Variants in ZNF607 observed in about 807,000 individuals in gnomAD.
The protein encoded by ZNF607 is zinc finger protein 607.
In ZNF607, 5 loss-of-function variants were observed where a neutral mutation model predicts 12.8. That is an observed-to-expected ratio of 0.39 (90% CI 0.20 to 0.82). The LOEUF (loss-of-function observed/expected upper bound fraction) is 0.82, where lower values mean the gene tolerates loss of function less well. ZNF607 is among the 40% of genes least tolerant of loss of function. ZNF607 has a pLI of 0.39. For missense variants in ZNF607, 851 were observed against 859.2 expected (o/e 0.99, Z 0.12); for synonymous variants, 287 against 276.2 (o/e 1.04, Z -0.39).
chr19:37,715,895 A>G (rs2045172651), intron 1 of ZNF607, among the ~76,000 whole-genome samples: 1 of 152,164 alleles, frequency 6.6e-6, no homozygotes, highest in South Asian at 2.1e-4. Flanking sequence ...ATAGATTACC[A>G]TGCTTTTCTC....
At chr19:37,706,828 T>C (rs533255423) in intron 4 of ZNF607, among the ~76,000 whole-genome samples, 2 of 151,888 alleles carry the variant, frequency 1.3e-5, no homozygotes, top group Admixed American at 1.3e-4. Flanking sequence ...GTAACTGGGA[T>C]TATAGGCAGT....
At chr19:37,713,675 G>A (rs2045150411) in intron 1 of ZNF607, among the ~76,000 whole-genome samples, 2 of 151,898 alleles carry the variant, frequency 1.3e-5, no homozygotes, top group South Asian at 2.1e-4. Context: ...TCTTGACCTC[G>A]TGATCTGCCA....
rs1386459228 is a variant in ZNF607, at chr19:37,696,857, C to T, written c.*1183G>A. On this transcript the variant is annotated 3_prime_UTR_variant, in exon 5 of 5. Coordinates refer to ENST00000355202, the MANE Select transcript of ZNF607 (RefSeq NM_032689.5). The stretch of plus-strand genomic sequence containing the variant: ...GCGCTCTCTGCTTCCTGGGGGGCCA[C>T]CTGTCTGTTAACTCCTTCAAGAAGG... 1 of 786,358 alleles carries T rather than the reference C, an allele frequency of 1.3e-6. No homozygotes were observed. Among genetic ancestry groups the T allele is most frequent in the Non-Finnish European group, 2.2e-6 (1 of 457,690 alleles). 48.7% of individuals were successfully genotyped at this position (786,358 alleles called of 1,614,324 possible). A position where few individuals can be genotyped will look rare whatever the true frequency, so the allele number is the denominator to read the frequency against.
In ZNF607 at chr19:37,699,369, T is replaced by C. The variant is rs757826211; in HGVS notation, c.762A>G (p.Glu254=). The change falls in exon 5 of 5, where the codon GAA becomes GAG. Residue 254 remains glutamate, a synonymous_variant. Transcript: ENST00000355202. The part of the protein sequence containing the change: ...QSIHTGEKPF[E]CNKCGKSFRL... The stretch of plus-strand genomic sequence containing the variant: ...TAAAGGACTTCCCACATTTGTTACA[T>C]TCAAAGGGCTTCTCACCAGTGTGAA... 10 of 1,614,098 alleles carry C rather than the reference T, an allele frequency of 6.2e-6. No individual in the cohort carries two copies. The South Asian group carries it at 1.1e-4, about 18-fold the overall frequency.
chr19:37,702,929 G>A (rs544569616), intron 4 of ZNF607, among the ~76,000 whole-genome samples: 1 of 151,686 alleles, frequency 6.6e-6, no homozygotes, highest in African/African-American at 2.4e-5. Context: ...AAGTCAACAG[G>A]TAAATTTATT....
At chr19:37,702,600 C>G (rs1425757801) in intron 4 of ZNF607, among the ~76,000 whole-genome samples, 1 of 152,106 alleles carries the variant, frequency 6.6e-6, no homozygotes, top group Non-Finnish European at 1.5e-5. Context: ...TCAGAGAAAT[C>G]TGAATCTTCA....
At chr19:37,718,930 A>G (rs2045200408) in intron 1 of ZNF607, 1 of 152,184 alleles carries the variant, frequency 6.6e-6, no homozygotes, top group African/African-American at 2.4e-5. Flanking sequence ...CCCAATACCT[A>G]CCACCATGGT....
In ZNF607 at chr19:37,698,763, C is replaced by A. The variant is rs762154519; in HGVS notation, c.1368G>T (p.Lys456Asn). 1.9e-6 allele frequency: 3 copies of A among 1,613,832 alleles called. No homozygotes were observed. Among genetic ancestry groups the A allele is most frequent in the Non-Finnish European group, 2.5e-6 (3 of 1,179,818 alleles). Residue 456 changes from lysine to asparagine, a missense_variant, in exon 5 of 5, where the codon AAG becomes AAT. Physicochemically the swap from Lys to Asn is moderately conservative, Grantham distance 94. Transcript: ENST00000355202. ...CAAGATATGAGGCACAACGAAAGGA[C>A]TTCCCACATTCTTTACATTCAAAGG... is the stretch of plus-strand genomic sequence containing the variant. ...YKPFECKECGKSFRCASYLVI... is the reference protein window; with the variant it reads ...YKPFECKECGNSFRCASYLVI...
intron 4 of ZNF607, among the ~76,000 whole-genome samples, chr19:37,703,272 C>CA (rs200072041): frequency 0.24 from 24,632 of 103,290 alleles, 2,140 homozygotes; most frequent in Non-Finnish European, 0.29. Context: ...AAATAAATAG[C>CA]AAAAAAAAAA....
chr19:37,702,875 T>C lies in ZNF607; in HGVS notation c.236-2980A>G, dbSNP rs564869993. The stretch of plus-strand genomic sequence containing the variant: ...CATGTATATTGTATACTATAATACC[T>C]ATAACACTACCTAAAATAAATTACT... On this transcript the variant is annotated intron_variant, in intron 4 of 4. Transcript: ENST00000355202. Among the ~76,000 whole-genome samples the C allele has an allele frequency of 3.5e-3, 540 of 152,292 alleles. 1 individual carries two copies. Among genetic ancestry groups the C allele is most frequent in the African/African-American group, 0.012 (518 of 41,572 alleles).
intron 1 of ZNF607, among the ~76,000 whole-genome samples, chr19:37,714,651 A>G (rs2045161328): frequency 6.6e-6 from 1 of 151,962 alleles, no homozygotes; most frequent in Admixed American, 6.6e-5. Context: ...CTCACTCTCA[A>G]AAGTGATACT....
chr19:37,698,216 G>T lies in ZNF607; in HGVS notation c.1915C>A (p.His639Asn), dbSNP rs1223862093. 1 of 1,614,164 alleles carries T rather than the reference G, an allele frequency of 6.2e-7. No homozygotes were observed. The highest frequency in any genetic ancestry group is 1.7e-5 in the Admixed American group (1 of 60,016). Residue 639 changes from histidine to asparagine, a missense_variant, in exon 5 of 5, where the codon CAT (histidine) becomes AAT (asparagine). Physicochemically the swap from His to Asn is moderately conservative, Grantham distance 68. Transcript: ENST00000355202. ...ASYLVRHESV[H>N]ADGNPYMCEE... ...CACATATAGGGATTTCCATCAGCAT[G>T]AACGCTTTCATGTCTAACAAGATAT...
At position 37,716,295 on chromosome 19, in the gene ZNF607, T is replaced by G. The variant is rs531141826; in HGVS notation, c.-75+2974A>C. Reference sequence around the variant, plus strand: ...ACTATCAGGCTACTTCAGTTTACTTTTTTCTGGAAGGTTAAGCGGAGGTCA... The same window carrying G: ...ACTATCAGGCTACTTCAGTTTACTTGTTTCTGGAAGGTTAAGCGGAGGTCA... On this transcript the variant is annotated intron_variant, in intron 1 of 4. Transcript: ENST00000355202. 2.0e-5 allele frequency among the ~76,000 whole-genome samples: 3 copies of G among 152,318 alleles called. No homozygotes were observed. In the South Asian group the frequency reaches 6.2e-4, roughly 32 times the overall value.
Position 37,698,421 on chromosome 19 carries a change from A to G in ZNF607, c.1710T>C (p.Phe570=), listed in dbSNP as rs2044999582. The change falls in exon 5 of 5, where the codon TTT becomes TTC. Residue 570 remains phenylalanine (F), a synonymous_variant. Transcript: ENST00000355202. The part of the protein sequence containing the change: ...PYECKECGKA[F]RHATSLIYHD... ...GATATATGAGGCTTGTGGCATGACG[A>G]AAGGCCTTGCCACATTCCTTACATT... 1 of 1,614,182 alleles carries G rather than the reference A, an allele frequency of 6.2e-7. No homozygotes were observed. Among genetic ancestry groups the G allele is most frequent in the Non-Finnish European group, 8.5e-7 (1 of 1,180,016 alleles).
In ZNF607 at chr19:37,698,515, C is replaced by A. The variant is rs748455831; in HGVS notation, c.1616G>T (p.Gly539Val). The A allele has an allele frequency of 2.5e-6, 4 of 1,611,868 alleles. No homozygotes were observed. The highest frequency in any genetic ancestry group is 3.4e-6 in the Non-Finnish European group (4 of 1,178,190). ...TACAGAAATGAACCTAAAAGACTTC[C>A]CGCATTTGTTGCATTCAAAGGGTTT... The part of the protein sequence containing the change: ...GKKPFECNKC[G>V]KSFRFISVLK... The change falls in exon 5 of 5, where the codon GGG (glycine) becomes GTG (valine). Residue 539 changes from glycine (G) to valine (V), a missense_variant. Transcript: ENST00000355202.
intron 1 of ZNF607, among the ~76,000 whole-genome samples, chr19:37,716,619 A>T (rs1226929658): frequency 6.6e-6 from 1 of 152,226 alleles, no homozygotes; most frequent in Non-Finnish European, 1.5e-5. Context: ...ACCACACACA[A>T]GTGCTCACAC....
intron 1 of ZNF607, among the ~76,000 whole-genome samples, chr19:37,716,133 T>A (rs1249089510): frequency 2.0e-5 from 3 of 152,188 alleles, no homozygotes; most frequent in Non-Finnish European, 4.4e-5. Flanking sequence ...ACAGATCTAA[T>A]GGGCTTTGTG....
At chr19:37,700,849 GCAAC>G (rs1442592867) in intron 4 of ZNF607, among the ~76,000 whole-genome samples, 1 of 151,394 alleles carries the variant, frequency 6.6e-6, no homozygotes, top group Non-Finnish European at 1.5e-5. Flanking sequence ...ATGAGCTAAA[GCAAC>G]CAAAAAAGAA....
chr19:37,715,457 T>C (rs1173594586), intron 1 of ZNF607, among the ~76,000 whole-genome samples: 1 of 151,492 alleles, frequency 6.6e-6, no homozygotes, highest in African/African-American at 2.4e-5. Context: ...AAATACAAAA[T>C]TAGCTGGGCA....
Sources: allele counts gnomAD v4.1 joint callset (sites outside exome capture counted in the v4.1 genomes callset), GRCh38; gene constraint gnomAD v4.1.1; transcripts MANE v1.5; gene names NCBI Gene and HGNC (gene_info 2026-07-23, HGNC 2026-07-21).